The following FBN2 variants were observed in gnomAD, a reference collection of about 807,000 sequenced individuals.
The protein encoded by FBN2 is fibrillin 2, also known as fibrillin-2.
A neutral mutation model predicts 355.6 loss-of-function variants in FBN2; 105 were observed. That is an observed-to-expected ratio of 0.30 (90% CI 0.25 to 0.35). FBN2 has a LOEUF of 0.35. Ranked by LOEUF, FBN2 falls within the 10% of genes least tolerant of loss-of-function variation. FBN2 has a pLI of 1.00. For synonymous variants in FBN2, 1,350 were observed against 1,301.2 expected (o/e 1.04, Z -0.81); for missense variants, 3,280 against 3,758.7 (o/e 0.87, Z 3.33).
chr5:128,442,288 C>T (rs1478331881), intron 7 of FBN2: 2 of 456,022 alleles, frequency 4.4e-6, no homozygotes, highest in Admixed American at 4.7e-5. Context: ...GAATAACTAG[C>T]TCAAGGAATG....
chr5:128,311,468 T>A, intron 38 of FBN2, 43 bp from the exon 39 acceptor site: 1 of 1,605,466 alleles, frequency 6.2e-7, no homozygotes, highest in Non-Finnish European at 8.5e-7. Context: ...ACACCTTCAC[T>A]AAGGATAAGA....
At chr5:128,431,628 C>G (rs1449560299) in intron 7 of FBN2, among the ~76,000 whole-genome samples, 1 of 152,138 alleles carries the variant, frequency 6.6e-6, no homozygotes, top group East Asian at 1.9e-4. Context: ...AAGTCAAGAG[C>G]TTTCATCTTT....
rs532312343 is a variant in FBN2, at chr5:128,416,292, T to C, written c.953-7493A>G. On this transcript the variant is annotated intron_variant, in intron 7 of 64. Transcript: ENST00000262464. ...TGCCCGCCTCAGCCTCCCAAAGTGT[T>C]GGGATTACAGGCGTGAGCCACTGAG... is the stretch of plus-strand genomic sequence containing the variant. Among the ~76,000 whole-genome samples, 3 of 152,334 alleles carry C rather than the reference T, an allele frequency of 2.0e-5. No individual in the cohort carries two copies. The South Asian group carries it at 6.2e-4, about 32-fold the overall frequency.
At chr5:128,324,563 C>T (rs1293654633) in intron 34 of FBN2, among the ~76,000 whole-genome samples, 1 of 151,644 alleles carries the variant, frequency 6.6e-6, no homozygotes, top group African/African-American at 2.4e-5. Flanking sequence ...CATTCAGGAA[C>T]AGGTTGTTCA....
At chr5:128,319,625 C>A (rs1437010669) in intron 34 of FBN2, among the ~76,000 whole-genome samples, 1 of 151,816 alleles carries the variant, frequency 6.6e-6, no homozygotes, top group Non-Finnish European at 1.5e-5. Flanking sequence ...GAACTAATTT[C>A]TTCCCTAATT....
chr5:128,446,897 T>C (rs763756921), intron 6 of FBN2, among the ~76,000 whole-genome samples: 7 of 152,226 alleles, frequency 4.6e-5, no homozygotes, highest in Non-Finnish European at 7.3e-5. Flanking sequence ...GCTGAAGCCA[T>C]GGCAGAAGCA....
At chr5:128,452,011 T>C (rs534712166) in intron 6 of FBN2, among the ~76,000 whole-genome samples, 5 of 152,306 alleles carry the variant, frequency 3.3e-5, no homozygotes, top group East Asian at 1.9e-4. Context: ...TCTGCAGTTA[T>C]GTAGAATTAA....
chr5:128,374,752 T>G lies in FBN2; in HGVS notation c.1973-2A>C. The G allele has an allele frequency of 6.2e-7, 1 of 1,613,862 alleles. No individual in the cohort carries two copies. The highest frequency in any genetic ancestry group is 8.5e-7 in the Non-Finnish European group (1 of 1,179,846). On this transcript the variant is annotated splice_acceptor_variant, in intron 14 of 64. Coordinates refer to ENST00000262464, the MANE Select transcript of FBN2 (RefSeq NM_001999.4). LOFTEE classifies it high-confidence loss of function. ...CTGGGGTCTGGCATTCATCAACATC[T>G]GTGCAGTGGGTGACAGAAGCCAAGC...
At chr5:128,376,410 A>AT (rs1276726987) in intron 14 of FBN2, among the ~76,000 whole-genome samples, 1 of 152,140 alleles carries the variant, frequency 6.6e-6, no homozygotes, top group Admixed American at 6.5e-5. Flanking sequence ...ACCTTTCAAG[A>AT]TTTTTTCTTC....
intron 23 of FBN2, among the ~76,000 whole-genome samples, chr5:128,347,677 C>A (rs1483001820): frequency 6.6e-6 from 1 of 152,092 alleles, no homozygotes; most frequent in Non-Finnish European, 1.5e-5. Flanking sequence ...TTCTCACATC[C>A]CCAGACAGAA....
intron 10 of FBN2, among the ~76,000 whole-genome samples, chr5:128,392,768 C>T (rs977016388): frequency 6.6e-6 from 1 of 152,160 alleles, no homozygotes; most frequent in Admixed American, 6.5e-5. Flanking sequence ...CAGCTTTAAA[C>T]AGCCAAATGA....
In FBN2 at chr5:128,274,621, C is replaced by T. The variant is rs767807555; in HGVS notation, c.7657G>A (p.Gly2553Arg). The change falls in exon 60 of 65, where the codon GGG (glycine) becomes AGG (arginine). Residue 2553 changes from glycine (G) to arginine (R), a missense_variant. Physicochemically the swap from Gly to Arg is moderately radical, Grantham distance 125. Around this residue, in one of 6 missense-constraint regions of FBN2, gnomAD observed 2,284 missense variants for 2,749.5 expected, o/e 0.83. Transcript: ENST00000262464. ...CCAGGTGGACATTTACAGGTAAACC[C>T]CCCCAGGGTGTTGACACAGAGGAAC... ...CQFLCVNTLG[G>R]FTCKCPPGFT... 1.2e-6 allele frequency: 2 copies of T among 1,613,404 alleles called. No individual in the cohort carries two copies. Among genetic ancestry groups the T allele is most frequent in the African/African-American group, 1.3e-5 (1 of 74,892 alleles).
intron 48 of FBN2, 120 bp downstream of exon 48, chr5:128,300,697 A>G (rs1330761931): frequency 1.0e-6 from 1 of 974,806 alleles, no homozygotes; most frequent in African/African-American, 1.6e-5. Context: ...AGGCAGCTAT[A>G]TGTTTAATTC....
Position 128,286,832 on chromosome 5 carries a change from C to A in FBN2, c.6898G>T (p.Glu2300Ter). The change falls in exon 55 of 65, where the codon GAA (glutamate) becomes TAA (stop). Residue 2300 changes from glutamate to a stop codon, truncating the protein, a stop_gained. Transcript: ENST00000262464. LOFTEE classifies it high-confidence loss of function. Reference sequence around the variant, plus strand: ...CTAGATTCACAGTCGTGTAACCCTTCAGCACATTCATCCAGATCTAGAACA... The same window carrying A: ...CTAGATTCACAGTCGTGTAACCCTTAAGCACATTCATCCAGATCTAGAACA... ...KMCKDLDECAEGLHDCESRGM... is the reference protein window; with the variant it reads ...KMCKDLDECA The A allele has an allele frequency of 6.2e-7, 1 of 1,614,078 alleles. No homozygotes were observed. Among genetic ancestry groups the A allele is most frequent in the South Asian group, 1.1e-5 (1 of 91,082 alleles).
intron 36 of FBN2, among the ~76,000 whole-genome samples, chr5:128,313,612 T>A (rs1188630406): frequency 1.3e-5 from 2 of 151,992 alleles, no homozygotes. Flanking sequence ...AATCCAGTAA[T>A]AAGGGCTGTC....
At chr5:128,356,310 T>C (rs1323990045) in intron 20 of FBN2, among the ~76,000 whole-genome samples, 2 of 152,250 alleles carry the variant, frequency 1.3e-5, no homozygotes, top group East Asian at 1.9e-4. Context: ...AATTTTGGAC[T>C]TGGTCATTTG....
At chr5:128,353,353 C>T (rs950217387) in intron 20 of FBN2, among the ~76,000 whole-genome samples, 1 of 152,084 alleles carries the variant, frequency 6.6e-6, no homozygotes, top group African/African-American at 2.4e-5. Context: ...TGAAACAAAA[C>T]AATTCTCTCC....
intron 49 of FBN2, 124 bp from the exon 50 acceptor site, chr5:128,291,008 G>T: frequency 1.2e-6 from 1 of 820,422 alleles, no homozygotes; most frequent in Non-Finnish European, 2.0e-6. Flanking sequence ...GGAAATCTTC[G>T]ATTGCTGATT....
chr5:128,488,515 T>C (rs189412632), intron 5 of FBN2, among the ~76,000 whole-genome samples: 1 of 152,276 alleles, frequency 6.6e-6, no homozygotes, highest in African/African-American at 2.4e-5. Context: ...TTTATTATTA[T>C]TGTACTTTAA....
Sources: gnomAD v4.1 joint callset for allele counts (sites outside exome capture counted in the v4.1 genomes callset) on GRCh38, gnomAD v4.1.1 for gene constraint, gnomAD v4.1.1 regional missense constraint, MANE v1.5 for transcripts, NCBI Gene and HGNC (gene_info 2026-07-23, HGNC 2026-07-21) for gene names.